EIF2B3: variants seen among roughly 807,000 people sequenced by gnomAD.
The protein encoded by EIF2B3 is eukaryotic translation initiation factor 2B subunit gamma.
EIF2B3 carries 20 observed loss-of-function variants against 54.1 expected under a neutral mutation model. The observed-to-expected ratio is 0.37, with a 90% CI of 0.26 to 0.54. EIF2B3 has a LOEUF of 0.54. Ranked by LOEUF, EIF2B3 falls within the 20% of genes least tolerant of loss-of-function variation. EIF2B3 has a pLI of 0.86. For synonymous variants in EIF2B3, 153 were observed against 188.1 expected (o/e 0.81, Z 1.52); for missense variants, 448 against 547.8 (o/e 0.82, Z 1.82).
chr1:44,859,379 G>A (rs907896752), intron 10 of EIF2B3, among the ~76,000 whole-genome samples: 2 of 152,078 alleles, frequency 1.3e-5, no homozygotes, highest in Non-Finnish European at 2.9e-5. Flanking sequence ...TAACCTGGCT[G>A]GGTGCGGTGG....
chr1:44,900,502 G>A (rs1369691681), intron 5 of EIF2B3, among the ~76,000 whole-genome samples: 1 of 151,212 alleles, frequency 6.6e-6, no homozygotes, highest in Admixed American at 6.6e-5. Context: ...CACAACCAGG[G>A]GGAGGGAGGA....
At chr1:44,857,559 C>G (rs1654469564) in intron 11 of EIF2B3, 145 bp downstream of exon 11, 1 of 742,400 alleles carries the variant, frequency 1.3e-6, no homozygotes. Context: ...GTGATGTCAA[C>G]TGCTCTCCAA....
intron 5 of EIF2B3, among the ~76,000 whole-genome samples, chr1:44,906,470 G>T (rs1263215518): frequency 6.6e-6 from 1 of 152,290 alleles, no homozygotes; most frequent in South Asian, 2.1e-4. Context: ...GCACGATCTC[G>T]ACTCACTGCA....
At chr1:44,966,486 A>AATT (rs999999574) in intron 3 of EIF2B3, among the ~76,000 whole-genome samples, 4 of 151,792 alleles carry the variant, frequency 2.6e-5, no homozygotes, top group South Asian at 2.1e-4. Context: ...ACTAAATAGA[A>AATT]ATTGCCAGGA....
chr1:44,935,137 A>C lies in EIF2B3; in HGVS notation c.454+6369T>G, dbSNP rs117535618. On this transcript the variant is annotated intron_variant, in intron 4 of 11. Coordinates refer to ENST00000360403, the MANE Select transcript of EIF2B3 (RefSeq NM_020365.5). ...TACAGTGAATTGGATTGGTTAAATA[A>C]AGTTTCCTAGAACATTTTCTATTTC... is the stretch of plus-strand genomic sequence containing the variant. 7.2e-5 allele frequency among the ~76,000 whole-genome samples: 11 copies of C among 152,372 alleles called. No homozygotes were observed. The East Asian group carries it at 1.9e-3, about 27-fold the overall frequency.
At chr1:44,920,038 CTT>C (rs111287818) in intron 5 of EIF2B3, among the ~76,000 whole-genome samples, 18 of 137,792 alleles carry the variant, frequency 1.3e-4, no homozygotes, top group Admixed American at 3.7e-4. Context: ...CTTTTTCTTT[CTT>C]TTTTTTTTTT....
chr1:44,978,549 C>A, intron 2 of EIF2B3, 89 bp from the exon 3 acceptor site: 1 of 1,335,134 alleles, frequency 7.5e-7, no homozygotes, highest in Non-Finnish European at 1.0e-6. Flanking sequence ...TGGTCTATTT[C>A]TAGGTGTAAT....
intron 8 of EIF2B3, among the ~76,000 whole-genome samples, chr1:44,878,924 AATTTTTGTAGT>A (rs1655288286): frequency 1.3e-5 from 2 of 151,578 alleles, no homozygotes; most frequent in South Asian, 4.2e-4. Context: ...ATACCTGGCT[AATTTTTGTAGT>A]ATTTTTGTAG....
intron 5 of EIF2B3, among the ~76,000 whole-genome samples, chr1:44,920,351 T>C (rs1012678293): frequency 6.6e-6 from 1 of 152,304 alleles, no homozygotes; most frequent in African/African-American, 2.4e-5. Context: ...GGGGTATCCA[T>C]TACCTCAAGC....
chr1:44,861,673 C>T (rs752746569), intron 10 of EIF2B3, among the ~76,000 whole-genome samples: 2 of 152,144 alleles, frequency 1.3e-5, no homozygotes, highest in Admixed American at 6.5e-5. Flanking sequence ...CTGTCTCATC[C>T]AGTTGATGTG....
At chr1:44,919,925 T>A (rs1643704854) in intron 5 of EIF2B3, among the ~76,000 whole-genome samples, 1 of 148,118 alleles carries the variant, frequency 6.8e-6, no homozygotes, top group Non-Finnish European at 1.5e-5. Flanking sequence ...TTTCTCCATG[T>A]TGGCCAGGAT....
chr1:44,966,562 A>G (rs1644343525), intron 3 of EIF2B3, among the ~76,000 whole-genome samples: 1 of 152,068 alleles, frequency 6.6e-6, no homozygotes, highest in Admixed American at 6.6e-5. Flanking sequence ...GACAGATAAA[A>G]CGGCGATAAA....
At chr1:44,971,299 C>G (rs565536328) in intron 3 of EIF2B3, among the ~76,000 whole-genome samples, 31 of 149,978 alleles carry the variant, frequency 2.1e-4, no homozygotes, top group Non-Finnish European at 3.8e-4. Context: ...AGAAGAATGG[C>G]GTGAACCCAG....
intron 10 of EIF2B3, among the ~76,000 whole-genome samples, chr1:44,859,847 C>T (rs1374298114): frequency 6.6e-6 from 1 of 151,696 alleles, no homozygotes; most frequent in Non-Finnish European, 1.5e-5. Flanking sequence ...ACCTCTGTCT[C>T]CCGGGTTCAA....
rs141943764 is a variant in EIF2B3, at chr1:44,910,591, C to A, written c.567-13147G>T. 3.8e-3 allele frequency among the ~76,000 whole-genome samples: 547 copies of A among 144,324 alleles called. 4 individuals carry two copies. Among genetic ancestry groups the A allele is most frequent in the African/African-American group, 0.013 (520 of 39,716 alleles). The allele number at this position is 144,324 out of a possible 152,430, so 94.7% of individuals were successfully genotyped here. A position where few individuals can be genotyped will look rare whatever the true frequency, so the allele number is the denominator to read the frequency against. ...ATATTCTAACAGGTGTCTTTGAAAT[C>A]AAGCAAACATTTTATCCCTCCCCAC... On this transcript the variant is annotated intron_variant, in intron 5 of 11. Coordinates refer to ENST00000360403, the MANE Select transcript of EIF2B3 (RefSeq NM_020365.5).
At chr1:44,894,646 G>C (rs1027116853) in intron 6 of EIF2B3, among the ~76,000 whole-genome samples, 23 of 152,020 alleles carry the variant, frequency 1.5e-4, no homozygotes, top group African/African-American at 5.1e-4. Context: ...AACTCTCAGA[G>C]GTAAAATATA....
intron 10 of EIF2B3, among the ~76,000 whole-genome samples, chr1:44,865,406 C>T (rs1307797501): frequency 2.0e-5 from 3 of 152,034 alleles, no homozygotes; most frequent in Admixed American, 2.0e-4. Flanking sequence ...TGGATTTAAT[C>T]TAAATTTCAC....
chr1:44,973,205 T>C (rs263998), intron 3 of EIF2B3, among the ~76,000 whole-genome samples: 72,242 of 151,972 alleles, frequency 0.48, 17,974 homozygotes, highest in African/African-American at 0.62. Context: ...TCAGTATAAA[T>C]CAAAAGAACT....
intron 4 of EIF2B3, 72 bp downstream of exon 4, chr1:44,941,434 T>C (rs1644020226): frequency 2.0e-6 from 3 of 1,507,826 alleles, no homozygotes. Context: ...TAAATGTTTT[T>C]TCAGGGAAAG....
Sources: allele counts gnomAD v4.1 joint callset (sites outside exome capture counted in the v4.1 genomes callset), GRCh38; gene constraint gnomAD v4.1.1; transcripts MANE v1.5; gene names NCBI Gene and HGNC (gene_info 2026-07-23, HGNC 2026-07-21).